The following NBPF8 variants were observed in gnomAD, a reference collection of about 807,000 sequenced individuals.
The protein encoded by NBPF8 is NBPF family member NBPF8.
At chr1:120,453,971 C>T (rs1661360706) in exon 15 of NBPF8, 1 of 1,610,400 alleles carries the variant, frequency 6.2e-7, no homozygotes, top group African/African-American at 1.3e-5. Flanking sequence ...TGTGCCATCA[C>T]TTATTCAAAT....
chr1:120,451,672 T>C (rs1661275628), intron 12 of NBPF8, among the ~76,000 whole-genome samples: 1 of 147,450 alleles, frequency 6.8e-6, no homozygotes, highest in Non-Finnish European at 1.5e-5. Context: ...CAATCAATGT[T>C]GCCTTCTCGA....
At chr1:120,456,202 G>A (rs1380824198) in intron 16 of NBPF8, among the ~76,000 whole-genome samples, 1 of 151,276 alleles carries the variant, frequency 6.6e-6, no homozygotes, top group Non-Finnish European at 1.5e-5. Flanking sequence ...GTCAATTTTG[G>A]AATAAGTGTG....
At chr1:120,449,009 G>T (rs1400012226) in intron 10 of NBPF8, among the ~76,000 whole-genome samples, 184 bp from the exon 9 acceptor site, 3 of 71,810 alleles carry the variant, frequency 4.2e-5, no homozygotes, top group Non-Finnish European at 5.4e-5. Flanking sequence ...GTTTCAAGGT[G>T]ACTGCATAGC....
At chr1:120,429,133 TG>T (rs1345415055) in intron 3 of NBPF8, among the ~76,000 whole-genome samples, 2 of 152,274 alleles carry the variant, frequency 1.3e-5, no homozygotes, top group Non-Finnish European at 1.5e-5. Context: ...GGTTTAGCAG[TG>T]GGGGCACCCG....
chr1:120,429,402 G>T (rs1271198665), intron 3 of NBPF8, among the ~76,000 whole-genome samples: 2 of 152,026 alleles, frequency 1.3e-5, no homozygotes, highest in Admixed American at 6.5e-5. Context: ...TGCGTGTAAA[G>T]GTCCTGTGGC....
exon 1 of NBPF8, chr1:120,436,470 T>G (rs1661083019): frequency 8.1e-7 from 1 of 1,241,234 alleles, no homozygotes; most frequent in South Asian, 1.2e-5. Context: ...ATCATATGTT[T>G]GGGTTTCTTC....
At chr1:120,455,121 C>A (rs1397852321) in intron 15 of NBPF8, among the ~76,000 whole-genome samples, 5 of 150,394 alleles carry the variant, frequency 3.3e-5, no homozygotes, top group African/African-American at 1.2e-4. Context: ...ATTGTTTGAC[C>A]AATTTTTGGA....
At chr1:120,462,608 T>C (rs1486450256) in intron 20 of NBPF8, among the ~76,000 whole-genome samples, 186 bp from the exon 19 acceptor site, 1 of 93,384 alleles carries the variant, frequency 1.1e-5, no homozygotes, top group Non-Finnish European at 2.2e-5. Context: ...CTCCCTGTCT[T>C]TCTCTTTCAT....
chr1:120,431,675 T>C (rs1428189031), upstream of NBPF8, among the ~76,000 whole-genome samples: 2 of 150,832 alleles, frequency 1.3e-5, no homozygotes, highest in Non-Finnish European at 3.0e-5. Context: ...CTTATACTTG[T>C]AGGAATGAAA....
exon 15 of NBPF8, chr1:120,454,058 C>T (rs1478099817): frequency 1.9e-6 from 3 of 1,613,198 alleles, no homozygotes; most frequent in African/African-American, 2.7e-5. Context: ...GTCGACTCAG[C>T]TCTCATTGGC....
chr1:120,432,420 G>A (rs1176559332), upstream of NBPF8: 12 of 119,600 alleles, frequency 1.0e-4, no homozygotes, highest in Non-Finnish European at 1.7e-4. Flanking sequence ...CCACTCAGTC[G>A]GTACTGAAAC....
At chr1:120,415,875 C>G (rs1364710978), upstream of NBPF8, among the ~76,000 whole-genome samples, 1 of 152,132 alleles carries the variant, frequency 6.6e-6, no homozygotes, top group Non-Finnish European at 1.5e-5. Context: ...GGCGTGATTT[C>G]CCTGTATCTG....
upstream of NBPF8, chr1:120,433,044 C>T (rs1220332133): frequency 6.6e-6 from 1 of 151,990 alleles, no homozygotes; most frequent in African/African-American, 2.4e-5. Flanking sequence ...GTACAAGGCC[C>T]CTAAAAGCAA....
At chr1:120,460,666 C>T (rs1454380303) in intron 18 of NBPF8, 42 bp downstream of exon 16, 22 of 872,266 alleles carry the variant, frequency 2.5e-5, no homozygotes, top group Non-Finnish European at 3.9e-5. Flanking sequence ...GATGTTGACA[C>T]CTGGAGATGC....
upstream of NBPF8, among the ~76,000 whole-genome samples, chr1:120,415,110 G>T (rs1553244879): frequency 2.2e-4 from 34 of 152,250 alleles, no homozygotes; most frequent in African/African-American, 7.9e-4. Flanking sequence ...TATTGGGAGG[G>T]GTAGGTGAGG....
At chr1:120,467,914 C>T (rs1242941360), downstream of NBPF8, among the ~76,000 whole-genome samples, 4 of 151,834 alleles carry the variant, frequency 2.6e-5, no homozygotes, top group African/African-American at 9.7e-5. Context: ...GTTTACATTT[C>T]TTGGTTCTAG....
intron 1 of NBPF8, among the ~76,000 whole-genome samples, chr1:120,421,490 G>T (rs28436269): frequency 2.5e-5 from 3 of 121,916 alleles, no homozygotes; most frequent in Non-Finnish European, 3.3e-5. Context: ...CTCTCTCCCT[G>T]CCTTCCTCCC....
downstream of NBPF8, among the ~76,000 whole-genome samples, chr1:120,468,452 G>A (rs1291451185): frequency 7.1e-6 from 1 of 140,034 alleles, no homozygotes; most frequent in South Asian, 2.4e-4. Flanking sequence ...GATATAAGGT[G>A]CTTGCCCAAA....
At chr1:120,450,392 C>T (rs1661232726) in intron 11 of NBPF8, among the ~76,000 whole-genome samples, 2 of 151,744 alleles carry the variant, frequency 1.3e-5, no homozygotes, top group African/African-American at 2.4e-5. Flanking sequence ...GAGCAGGGAC[C>T]GTGGGCCTGT....
Sources: allele counts gnomAD v4.1 joint callset (sites outside exome capture counted in the v4.1 genomes callset), GRCh38; gene constraint gnomAD v4.1.1; transcripts MANE v1.5; gene names NCBI Gene and HGNC (gene_info 2026-07-23, HGNC 2026-07-21).